The following CIB4 variants were observed in gnomAD, a reference collection of about 807,000 sequenced individuals.
The protein encoded by CIB4 is calcium and integrin binding family member 4, also known as calcium and integrin-binding family member 4.
A neutral mutation model predicts 25.8 loss-of-function variants in CIB4; 25 were observed. The ratio of observed to expected loss-of-function variants is 0.97; its 90% CI spans 0.71 to 1.35. The LOEUF (loss-of-function observed/expected upper bound fraction) is 1.35, where lower values mean the gene tolerates loss of function less well. Among genes scored for constraint, CIB4 ranks in the 40% most tolerant of loss-of-function variants. CIB4 has a pLI of 0.00. For synonymous variants in CIB4, 75 were observed against 81.4 expected (o/e 0.92, Z 0.42); for missense variants, 235 against 228.2 (o/e 1.03, Z -0.19).
At chr2:26,619,403 G>C (rs1446831962) in intron 3 of CIB4, among the ~76,000 whole-genome samples, 1 of 152,118 alleles carries the variant, frequency 6.6e-6, no homozygotes, top group East Asian at 1.9e-4. Context: ...AAAGTTGTGG[G>C]GGCAGCTGCT....
At chr2:26,597,960 T>C (rs1335721141) in intron 3 of CIB4, among the ~76,000 whole-genome samples, 1 of 151,002 alleles carries the variant, frequency 6.6e-6, no homozygotes, top group East Asian at 1.9e-4. Flanking sequence ...CATTAAAATA[T>C]AGAAAACCTT....
At chr2:26,625,249 A>G (rs1669280105) in intron 3 of CIB4, among the ~76,000 whole-genome samples, 1 of 152,028 alleles carries the variant, frequency 6.6e-6, no homozygotes, top group Non-Finnish European at 1.5e-5. Context: ...TAGCGCTGGC[A>G]GTTAGGGAGT....
chr2:26,617,820 G>A (rs1253562046), intron 3 of CIB4, among the ~76,000 whole-genome samples: 1 of 152,180 alleles, frequency 6.6e-6, no homozygotes, highest in African/African-American at 2.4e-5. Flanking sequence ...GCTGCCCTGA[G>A]TTCGTGACAG....
At chr2:26,584,589 G>C (rs1462428419) in intron 4 of CIB4, among the ~76,000 whole-genome samples, 2 of 152,216 alleles carry the variant, frequency 1.3e-5, no homozygotes, top group Non-Finnish European at 2.9e-5. Context: ...CTCCAACCCC[G>C]TGCATCCTCC....
intron 3 of CIB4, among the ~76,000 whole-genome samples, chr2:26,615,141 T>A (rs1283459300): frequency 6.6e-6 from 1 of 152,032 alleles, no homozygotes; most frequent in African/African-American, 2.4e-5. Flanking sequence ...AGTGCCTAAT[T>A]TTCTCCTCCA....
intron 3 of CIB4, among the ~76,000 whole-genome samples, chr2:26,602,812 G>A (rs1024550514): frequency 6.6e-6 from 1 of 152,118 alleles, no homozygotes; most frequent in African/African-American, 2.4e-5. Context: ...CTGTAATCTC[G>A]AGCTTGGGTG....
At chr2:26,598,609 G>A (rs1280845828) in intron 3 of CIB4, among the ~76,000 whole-genome samples, 3 of 152,214 alleles carry the variant, frequency 2.0e-5, no homozygotes, top group East Asian at 1.9e-4. Flanking sequence ...CCAGAGCTGC[G>A]ATTGGGTCCT....
intron 4 of CIB4, among the ~76,000 whole-genome samples, chr2:26,585,636 A>C (rs1271456281): frequency 1.3e-5 from 2 of 152,122 alleles, no homozygotes; most frequent in African/African-American, 2.4e-5. Flanking sequence ...AATCCTTCAG[A>C]GATTATGAAA....
chr2:26,605,812 A>C (rs919300074), intron 3 of CIB4, among the ~76,000 whole-genome samples: 1 of 152,224 alleles, frequency 6.6e-6, no homozygotes, highest in Non-Finnish European at 1.5e-5. Context: ...GCTCAAGCCC[A>C]AAGAAGGAAA....
intron 3 of CIB4, among the ~76,000 whole-genome samples, chr2:26,604,332 A>G: frequency 6.6e-6 from 1 of 152,108 alleles, no homozygotes; most frequent in East Asian, 1.9e-4. Context: ...GTGAGCTATG[A>G]TCATGCCACT....
intron 4 of CIB4, among the ~76,000 whole-genome samples, chr2:26,588,980 T>C (rs1304106061): frequency 0.24 from 3,031 of 12,526 alleles, 88 homozygotes; most frequent in East Asian, 0.3. Flanking sequence ...GCTTCTTCTT[T>C]CTTCTTCTTC....
intron 3 of CIB4, 99 bp from the exon 4 acceptor site, chr2:26,595,416 G>A: frequency 2.3e-6 from 3 of 1,328,942 alleles, no homozygotes; most frequent in South Asian, 1.4e-5. Context: ...TCCTGGGTTT[G>A]AGATGAAGAC....
chr2:26,589,290 C>T (rs1668542667), intron 4 of CIB4, among the ~76,000 whole-genome samples: 1 of 149,580 alleles, frequency 6.7e-6, no homozygotes, highest in African/African-American at 2.5e-5. Flanking sequence ...TTTCCTCCTC[C>T]TCCTCCTCTC....
intron 4 of CIB4, among the ~76,000 whole-genome samples, chr2:26,588,978 T>TTTCTTCTTCTTCTTCTTCTTCTTCCTC (rs1668508355): frequency 4.3e-5 from 3 of 69,890 alleles, no homozygotes; most frequent in African/African-American, 1.6e-4. Flanking sequence ...CCGCTTCTTC[T>TTTCTTCTTCTTCTTCTTCTTCTTCCTC]TTCTTCTTCT....
At chr2:26,630,526 G>A (rs1336386962) in intron 2 of CIB4, among the ~76,000 whole-genome samples, 1 of 152,180 alleles carries the variant, frequency 6.6e-6, no homozygotes, top group African/African-American at 2.4e-5. Flanking sequence ...GGAGGCTGAA[G>A]GGTATGTGTG....
intron 3 of CIB4, among the ~76,000 whole-genome samples, chr2:26,626,400 C>CAAA (rs34258205): frequency 3.1e-5 from 4 of 127,568 alleles, no homozygotes; most frequent in Non-Finnish European, 5.1e-5. Context: ...AAGCAACATA[C>CAAA]AAAAAAAAAA....
intron 2 of CIB4, among the ~76,000 whole-genome samples, chr2:26,640,194 G>A (rs1442816403): frequency 6.6e-6 from 1 of 152,182 alleles, no homozygotes; most frequent in Non-Finnish European, 1.5e-5. Context: ...AGCCAAAATG[G>A]GCTTCAGACA....
At chr2:26,641,129 C>A in intron 1 of CIB4, 132 bp downstream of exon 1, 1 of 751,634 alleles carries the variant, frequency 1.3e-6, no homozygotes, top group Non-Finnish European at 2.5e-6. Flanking sequence ...GACAATTCTT[C>A]TTCCAATGTG....
intron 3 of CIB4, among the ~76,000 whole-genome samples, chr2:26,598,086 G>A (rs1668713621): frequency 6.6e-6 from 1 of 152,028 alleles, no homozygotes; most frequent in African/African-American, 2.4e-5. Context: ...GAACTCCTGA[G>A]GTCAGGAGTT....
Sources: allele counts gnomAD v4.1 joint callset (sites outside exome capture counted in the v4.1 genomes callset), GRCh38; gene constraint gnomAD v4.1.1; transcripts MANE v1.5; gene names NCBI Gene and HGNC (gene_info 2026-07-23, HGNC 2026-07-21).